DYNC2H1: variants seen among roughly 807,000 people sequenced by gnomAD.
DYNC2H1 encodes the protein cytoplasmic dynein 2 heavy chain 1.
DYNC2H1 carries 410 observed loss-of-function variants against 570.0 expected under a neutral mutation model. That is an observed-to-expected ratio of 0.72 (90% CI 0.66 to 0.78). The LOEUF (loss-of-function observed/expected upper bound fraction) is 0.78. DYNC2H1 is among the 30% of genes least tolerant of loss of function. DYNC2H1 has a pLI of 0.00. For missense variants in DYNC2H1, 4,865 were observed against 5,046.4 expected (o/e 0.96, Z 1.09); for synonymous variants, 1,688 against 1,677.6 (o/e 1.01, Z -0.15).
intron 85 of DYNC2H1, among the ~76,000 whole-genome samples, chr11:103,454,369 A>C (rs558326642): frequency 1.3e-5 from 2 of 152,128 alleles, no homozygotes; most frequent in Admixed American, 6.6e-5. Flanking sequence ...GAATCAGTCT[A>C]TCTCTTAAAG....
rs1862820508 is a variant in DYNC2H1 at position 103,203,905 on chromosome 11, A to G, written c.8311+129A>G. On this transcript the variant is annotated intron_variant, in intron 51 of 88. Coordinates refer to ENST00000375735, the MANE Select transcript of DYNC2H1 (RefSeq NM_001377.3). The surrounding 1 kb of genome is among the most constrained non-coding windows in gnomAD (Gnocchi z 4.7). ...CTTTTTTCTGGAGCTTTTAGAAAGT[A>G]ACACCTAACTAGTGGATAGGCTAAC... is the stretch of plus-strand genomic sequence containing the variant. 3 of 648,432 alleles carry G rather than the reference A, an allele frequency of 4.6e-6. No homozygotes were observed. 40.2% of individuals were successfully genotyped at this position (648,432 alleles called of 1,614,324 possible). A position where few individuals can be genotyped will look rare whatever the true frequency, so the allele number is the denominator to read the frequency against.
intron 79 of DYNC2H1, among the ~76,000 whole-genome samples, chr11:103,314,914 C>T (rs928174815): frequency 2.6e-5 from 4 of 151,880 alleles, no homozygotes; most frequent in East Asian, 1.9e-4. Context: ...TTTTCACATA[C>T]GGTCTAACAG....
intron 78 of DYNC2H1, among the ~76,000 whole-genome samples, chr11:103,308,607 A>C (rs4638276): frequency 0.17 from 26,204 of 152,040 alleles, 2,419 homozygotes; most frequent in Admixed American, 0.26. Flanking sequence ...ATCGTTTTAC[A>C]TTCCCACTAG....
At position 103,116,635 on chromosome 11, in the gene DYNC2H1, T is replaced by A; in HGVS notation, c.687T>A (p.Asp229Glu). ...EVVDLVETTQ[D>E]VVDDVWRQTE... The stretch of plus-strand genomic sequence containing the variant: ...TTGACTTGGTGGAGACTACTCAGGA[T>A]GTTGTAGATGATGTGTGGAGACAAA... The change falls in exon 5 of 89, where the codon GAT becomes GAA. Residue 229 changes from aspartate to glutamate, a missense_variant. Physicochemically the swap from Asp to Glu is conservative, Grantham distance 45. Coordinates refer to ENST00000375735, the MANE Select transcript of DYNC2H1 (RefSeq NM_001377.3). 2 of 1,609,948 alleles carry A rather than the reference T, an allele frequency of 1.2e-6. No homozygotes were observed. Among genetic ancestry groups the A allele is most frequent in the African/African-American group, 1.3e-5 (1 of 74,874 alleles).
intron 20 of DYNC2H1, among the ~76,000 whole-genome samples, chr11:103,150,629 T>C (rs1338569523): frequency 1.3e-5 from 2 of 152,156 alleles, no homozygotes; most frequent in African/African-American, 4.8e-5. Flanking sequence ...CAAATACAAA[T>C]TTTGAAGTCT....
intron 84 of DYNC2H1, among the ~76,000 whole-genome samples, chr11:103,419,918 T>C (rs899081033): frequency 6.6e-6 from 1 of 152,054 alleles, no homozygotes; most frequent in Non-Finnish European, 1.5e-5. Flanking sequence ...AGAGCCAGAA[T>C]AGCCAGTTTA....
At chr11:103,294,937 CT>C (rs1866758238) in intron 75 of DYNC2H1, among the ~76,000 whole-genome samples, 1 of 152,190 alleles carries the variant, frequency 6.6e-6, no homozygotes, top group African/African-American at 2.4e-5. Context: ...ACATAATCCT[CT>C]GTACTCTTCT....
intron 84 of DYNC2H1, among the ~76,000 whole-genome samples, chr11:103,414,533 T>C (rs1368516785): frequency 1.3e-5 from 2 of 152,048 alleles, no homozygotes; most frequent in Non-Finnish European, 2.9e-5. Context: ...GCAGAAGAAT[T>C]GTTTGAACCC....
chr11:103,333,421 G>A (rs1226291358), intron 82 of DYNC2H1, among the ~76,000 whole-genome samples: 3 of 152,022 alleles, frequency 2.0e-5, no homozygotes, highest in African/African-American at 7.2e-5. Flanking sequence ...CCACCACTTC[G>A]CCAGGCTAAC....
chr11:103,128,614 T>C (rs1859113739), intron 12 of DYNC2H1, among the ~76,000 whole-genome samples: 1 of 152,234 alleles, frequency 6.6e-6, no homozygotes, highest in Non-Finnish European at 1.5e-5. Flanking sequence ...GCATTTAACA[T>C]GCTTCAGTGA....
chr11:103,204,005 A>G lies in DYNC2H1; in HGVS notation c.8311+229A>G, dbSNP rs1172759767. Among the ~76,000 whole-genome samples, 1 of 152,122 alleles carries G rather than the reference A, an allele frequency of 6.6e-6. No individual in the cohort carries two copies. The highest frequency in any genetic ancestry group is 1.5e-5 in the Non-Finnish European group (1 of 68,024). On this transcript the variant is annotated intron_variant, in intron 51 of 88. Transcript: ENST00000375735. The surrounding 1 kb of genome is among the most constrained non-coding windows in gnomAD (Gnocchi z 4.1). ...CTTACCTGACACTGAGCAATTTACAAAAGAAAGAGGTTTATTGGACTCACA... is the reference window on the plus strand; with the variant it reads ...CTTACCTGACACTGAGCAATTTACAGAAGAAAGAGGTTTATTGGACTCACA...
At chr11:103,263,022 C>CAAAAAAAAAAA (rs35912109) in intron 70 of DYNC2H1, among the ~76,000 whole-genome samples, 31 of 39,954 alleles carry the variant, frequency 7.8e-4, no homozygotes, top group East Asian at 2.6e-3. Flanking sequence ...AAATGGAAAG[C>CAAAAAAAAAAA]AAAAAAAAAA....
chr11:103,336,030 A>G (rs1274163786), intron 82 of DYNC2H1, among the ~76,000 whole-genome samples: 1 of 152,198 alleles, frequency 6.6e-6, no homozygotes, highest in Non-Finnish European at 1.5e-5. Context: ...AACTTGTGTT[A>G]TGAGATTCAG....
rs36033947 is a variant in DYNC2H1 at position 103,343,531 on chromosome 11, T to TC, written c.12040-14706dup. Among the ~76,000 whole-genome samples the TC allele has an allele frequency of 6.6e-5, 10 of 152,038 alleles. No homozygotes were observed. In the South Asian group the frequency reaches 1.0e-3, roughly 16 times the overall value. ...GGGGAGACTATCTGGAATTTTAGGA[T>TC]CCCCCCTCAGGCAAGCAGGCCTAAC... On this transcript the variant is annotated intron_variant, in intron 82 of 88. Coordinates refer to ENST00000375735, the MANE Select transcript of DYNC2H1 (RefSeq NM_001377.3).
In DYNC2H1 at chr11:103,156,714, C is replaced by T. The variant is rs1400739832; in HGVS notation, c.4071C>T (p.Gly1357=). 6.2e-7 allele frequency: 1 copy of T among 1,613,306 alleles called. No individual in the cohort carries two copies. ...GGGTGTATTTGGAACCCATTTTCGG[C>T]CGTGGAGCATTGCCAAAAGAACAGA... ...RKWVYLEPIF[G]RGALPKEQTR... Residue 1357 remains glycine, a synonymous_variant, in exon 26 of 89, where the codon GGC becomes GGT. Transcript: ENST00000375735.
chr11:103,327,109 G>A (rs1187154507), intron 82 of DYNC2H1, among the ~76,000 whole-genome samples: 1 of 152,004 alleles, frequency 6.6e-6, no homozygotes. Context: ...TTATGTTAAG[G>A]CACACAGGGT....
At chr11:103,121,100 C>A in intron 9 of DYNC2H1, 64 bp downstream of exon 9, 1 of 1,043,410 alleles carries the variant, frequency 9.6e-7, no homozygotes, top group Non-Finnish European at 1.3e-6. Flanking sequence ...CTTTTTTCTT[C>A]GTTGCATACC....
At position 103,228,419 on chromosome 11, in the gene DYNC2H1, G is replaced by C; in HGVS notation, c.9354-2841G>C. Among the ~76,000 whole-genome samples the C allele has an allele frequency of 6.6e-6, 1 of 152,126 alleles. No homozygotes were observed. ...GGTCTTTCCCTTCCCCTAGGAATGG[G>C]TAGTTCTGAGATCTGAACTGTAGTG... is the stretch of plus-strand genomic sequence containing the variant. On this transcript the variant is annotated intron_variant, in intron 59 of 88. Transcript: ENST00000375735. The surrounding 1 kb of genome is among the most constrained non-coding windows in gnomAD (Gnocchi z 6.1).
At chr11:103,402,010 G>A (rs1942665051) in intron 84 of DYNC2H1, 2 of 152,082 alleles carry the variant, frequency 1.3e-5, no homozygotes, top group Admixed American at 1.3e-4. Context: ...AGAGGTAAGA[G>A]GTAACCCATC....
Sources: allele counts gnomAD v4.1 joint callset (sites outside exome capture counted in the v4.1 genomes callset), GRCh38; gene constraint gnomAD v4.1.1; non-coding constraint Gnocchi (gnomAD v3.1); transcripts MANE v1.5; gene names NCBI Gene and HGNC (gene_info 2026-07-23, HGNC 2026-07-21).